ARHGAP8: variants seen among roughly 807,000 people sequenced by gnomAD.
ARHGAP8 encodes the protein rho GTPase-activating protein 8.
ARHGAP8 carries 62 observed loss-of-function variants against 46.1 expected under a neutral mutation model. That is an observed-to-expected ratio of 1.34 (90% CI 1.10 to 1.66). The LOEUF (loss-of-function observed/expected upper bound fraction) is 1.66. Among genes scored for constraint, ARHGAP8 ranks in the 40% most tolerant of loss-of-function variants. The pLI, the probability that ARHGAP8 is intolerant of heterozygous loss-of-function variation, is 0.00. For synonymous variants in ARHGAP8, 375 were observed against 243.1 expected, an observed-to-expected ratio of 1.54 and a Z score of -5.05; for missense variants, 923 against 568.4, an observed-to-expected ratio of 1.62 and a Z score of -6.34.
intron 10 of ARHGAP8, among the ~76,000 whole-genome samples, chr22:44,859,383 C>A (rs1254409397): frequency 6.6e-6 from 1 of 152,150 alleles, no homozygotes; most frequent in Non-Finnish European, 1.5e-5. Flanking sequence ...CCTGTTTTTG[C>A]CACGTGATGC....
intron 3 of ARHGAP8, among the ~76,000 whole-genome samples, chr22:44,802,628 G>C (rs1008932279): frequency 6.6e-6 from 1 of 152,200 alleles, no homozygotes; most frequent in South Asian, 2.1e-4. Context: ...AAAATGCTCT[G>C]AGTGGATCCT....
intron 2 of ARHGAP8, among the ~76,000 whole-genome samples, chr22:44,794,015 G>T (rs899135858): frequency 6.6e-6 from 1 of 152,208 alleles, no homozygotes; most frequent in African/African-American, 2.4e-5. Flanking sequence ...TCAGTGCGGG[G>T]CATGCGCAGG....
At chr22:44,845,436 G>A (rs2069930554) in intron 8 of ARHGAP8, 94 bp downstream of exon 8, 2 of 1,556,820 alleles carry the variant, frequency 1.3e-6, no homozygotes, top group African/African-American at 1.4e-5. Flanking sequence ...CCACAAGCCA[G>A]GGGGTGTGAC....
At chr22:44,847,525 TGCTGTGCTGGACA>T (rs2069987606) in intron 8 of ARHGAP8, among the ~76,000 whole-genome samples, 1 of 152,258 alleles carries the variant, frequency 6.6e-6, no homozygotes, top group African/African-American at 2.4e-5. Flanking sequence ...AGCTACTGGC[TGCTGTGCTGGACA>T]GCTCAGCCCT....
At chr22:44,860,440 G>T (rs1285828820) in intron 11 of ARHGAP8, among the ~76,000 whole-genome samples, 1 of 151,972 alleles carries the variant, frequency 6.6e-6, no homozygotes, top group Non-Finnish European at 1.5e-5. Context: ...TTGTCTGTGT[G>T]TGTGTCTAAT....
Position 44,808,417 on chromosome 22 carries a change from C to T in ARHGAP8, c.278C>T (p.Ala93Val). The change falls in exon 4 of 12, where the codon GCA (alanine) becomes GTA (valine). Residue 93 changes from alanine (A) to valine (V), a missense_variant. Transcript: ENST00000356099. ...CCTTCCCTGGGCTGGCTCCAGAGCGCATACAAGGAGTTCGATAGGAAGTAC... is the reference window on the plus strand; with the variant it reads ...CCTTCCCTGGGCTGGCTCCAGAGCGTATACAAGGAGTTCGATAGGAAGTAC... ...NKPSLGWLQS[A>V]YKEFDRKYKK... 1.2e-6 allele frequency: 2 copies of T among 1,614,182 alleles called. No homozygotes were observed. Among genetic ancestry groups the T allele is most frequent in the Non-Finnish European group, 8.5e-7 (1 of 1,180,040 alleles).
chr22:44,818,597 A>G (rs1398421853), intron 5 of ARHGAP8, among the ~76,000 whole-genome samples: 1 of 152,246 alleles, frequency 6.6e-6, no homozygotes, highest in Non-Finnish European at 1.5e-5. Context: ...TCTCTGCCTC[A>G]GTTTCCCCAT....
In ARHGAP8 at chr22:44,802,067, G is replaced by C. The variant is rs751878132; in HGVS notation, c.80-10G>C. The stretch of plus-strand genomic sequence containing the variant: ...GTGGCACAGAGGCTCACCTGTGTCT[G>C]CTCCTCCAGGGGATGACCGCTTTGG... On this transcript the variant is annotated splice_polypyrimidine_tract_variant and intron_variant, in intron 2 of 11. Transcript: ENST00000356099. 1.1e-5 allele frequency: 18 copies of C among 1,613,880 alleles called. No individual in the cohort carries two copies. The highest frequency in any genetic ancestry group is 1.4e-5 in the Non-Finnish European group (17 of 1,179,878).
intron 1 of ARHGAP8, among the ~76,000 whole-genome samples, chr22:44,762,158 C>CTGAGCACA (rs1211548622): frequency 6.6e-6 from 1 of 152,196 alleles, no homozygotes; most frequent in East Asian, 1.9e-4. Flanking sequence ...TGAATCTTAG[C>CTGAGCACA]TGAGCACAGT....
intron 2 of ARHGAP8, among the ~76,000 whole-genome samples, chr22:44,788,097 G>GTTATTA (rs901492875): frequency 2.0e-5 from 1 of 49,510 alleles, no homozygotes; most frequent in African/African-American, 6.5e-5. Context: ...TTTATTATAT[G>GTTATTA]TTATTATTAT....
intron 11 of ARHGAP8, among the ~76,000 whole-genome samples, chr22:44,861,900 G>A (rs565765950): frequency 2.8e-4 from 42 of 152,216 alleles, no homozygotes; most frequent in African/African-American, 9.6e-4. Flanking sequence ...TCCCCATCAT[G>A]CCCAGTTCGC....
At chr22:44,830,001 AT>A (rs1369803836) in intron 7 of ARHGAP8, among the ~76,000 whole-genome samples, 1 of 144,032 alleles carries the variant, frequency 6.9e-6, no homozygotes, top group Non-Finnish European at 1.5e-5. Context: ...GAGCTCTGGC[AT>A]TTTCTTTTTT....
chr22:44,862,277 G>C lies in ARHGAP8; in HGVS notation c.984G>C (p.Val328=), dbSNP rs1176942037. Residue 328 remains valine, a splice_region_variant and synonymous_variant, in exon 12 of 12, where the codon GTG becomes GTC. Transcript: ENST00000356099. ...LRYLMGFLHA[V]SRESIFNKMN... ...TACTTGTGTGTGGTTTCCTCCAGGTGTCCCGGGAGAGCATCTTCAACAAAA... is the reference window on the plus strand; with the variant it reads ...TACTTGTGTGTGGTTTCCTCCAGGTCTCCCGGGAGAGCATCTTCAACAAAA... 3.8e-6 allele frequency: 6 copies of C among 1,588,770 alleles called. No homozygotes were observed. The highest frequency in any genetic ancestry group is 2.3e-5 in the East Asian group (1 of 44,394).
chr22:44,775,014 T>G (rs1926321189), intron 1 of ARHGAP8, among the ~76,000 whole-genome samples: 1 of 151,688 alleles, frequency 6.6e-6, no homozygotes, highest in South Asian at 2.1e-4. Context: ...GTATTTTTAG[T>G]AGAGACAGAG....
chr22:44,797,822 TC>T (rs1241739865), intron 2 of ARHGAP8, among the ~76,000 whole-genome samples: 2 of 152,076 alleles, frequency 1.3e-5, no homozygotes, highest in African/African-American at 4.8e-5. Flanking sequence ...AATTTTTTTT[TC>T]AAGAGACAGG....
intron 1 of ARHGAP8, among the ~76,000 whole-genome samples, chr22:44,755,529 G>A (rs901578362): frequency 6.6e-6 from 1 of 152,198 alleles, no homozygotes. Flanking sequence ...GCATTTGAGG[G>A]GAGAGCCTCT....
Position 44,762,412 on chromosome 22 carries a change from G to A in ARHGAP8, c.-72+9785G>A, listed in dbSNP as rs538435529. On this transcript the variant is annotated intron_variant, in intron 1 of 11. Transcript: ENST00000356099. ...GATCATACCACTGTACTCCAACCTGGGCAACAGCATGAGACCCCATCTCTA... is the reference window on the plus strand; with the variant it reads ...GATCATACCACTGTACTCCAACCTGAGCAACAGCATGAGACCCCATCTCTA... Among the ~76,000 whole-genome samples the A allele has an allele frequency of 2.0e-5, 3 of 151,436 alleles. No individual in the cohort carries two copies. In the South Asian group the frequency reaches 6.3e-4, roughly 32 times the overall value.
At chr22:44,821,165 C>T (rs1316390748) in intron 5 of ARHGAP8, among the ~76,000 whole-genome samples, 2 of 152,174 alleles carry the variant, frequency 1.3e-5, no homozygotes, top group Non-Finnish European at 2.9e-5. Context: ...GGCACGGTGG[C>T]TCATGCCTGT....
intron 1 of ARHGAP8, among the ~76,000 whole-genome samples, chr22:44,774,518 A>ATTTTTT (rs132473): frequency 8.4e-6 from 1 of 119,504 alleles, no homozygotes; most frequent in East Asian, 2.3e-4. Flanking sequence ...TCTTTGGGAG[A>ATTTTTT]TTTTTTTTTT....
Sources: allele counts gnomAD v4.1 joint callset (sites outside exome capture counted in the v4.1 genomes callset), GRCh38; gene constraint gnomAD v4.1.1; transcripts MANE v1.5; gene names NCBI Gene and HGNC (gene_info 2026-07-23, HGNC 2026-07-21).